TMC1: variants seen among roughly 807,000 people sequenced by gnomAD.
TMC1 encodes the protein transmembrane channel like 1, also known as transmembrane channel-like protein 1.
A neutral mutation model predicts 105.8 loss-of-function variants in TMC1; 84 were observed. The observed-to-expected ratio is 0.79, with a 90% confidence interval of 0.67 to 0.95. TMC1 has a LOEUF of 0.95. Ranked by LOEUF, TMC1 falls within the 40% of genes least tolerant of loss-of-function variation. The pLI is 0.00. For missense variants in TMC1, 817 were observed against 914.1 expected (o/e 0.89, Z 1.37); for synonymous variants, 315 against 311.5 (o/e 1.01, Z -0.12).
At chr9:72,768,759 A>G (rs1434448236) in intron 12 of TMC1, among the ~76,000 whole-genome samples, 1 of 152,180 alleles carries the variant, frequency 6.6e-6, no homozygotes, top group Non-Finnish European at 1.5e-5. Context: ...TATTGTGCTA[A>G]CCTAACAAGC....
At chr9:72,769,035 TA>T (rs1827883508) in intron 12 of TMC1, among the ~76,000 whole-genome samples, 1 of 152,188 alleles carries the variant, frequency 6.6e-6, no homozygotes. Context: ...GGTATGGCAC[TA>T]GCATGATATA....
chr9:72,817,144 C>T (rs886328078), intron 19 of TMC1: 1 of 152,108 alleles, frequency 6.6e-6, no homozygotes, highest in African/African-American at 2.4e-5. Context: ...TCTGCAAATG[C>T]TAAAACCGTC....
chr9:72,626,510 G>A (rs1254503499), intron 3 of TMC1, among the ~76,000 whole-genome samples: 3 of 152,204 alleles, frequency 2.0e-5, no homozygotes. Flanking sequence ...CAACACTGAA[G>A]AGAGCAGGAA....
intron 2 of TMC1, among the ~76,000 whole-genome samples, chr9:72,593,949 G>A (rs1449274795): frequency 6.6e-6 from 1 of 152,146 alleles, no homozygotes; most frequent in Non-Finnish European, 1.5e-5. Context: ...CTAATATGGC[G>A]ATGGTAGGGG....
At position 72,831,224 on chromosome 9, in the gene TMC1, C is replaced by T. The variant is rs530582381; in HGVS notation, c.2260+542C>T. ...TTAATAATATGCTTTGAGTTCCCCACGGAAAGGTGATACCTAAGACCTTTA... is the reference window on the plus strand; with the variant it reads ...TTAATAATATGCTTTGAGTTCCCCATGGAAAGGTGATACCTAAGACCTTTA... On this transcript the variant is annotated intron_variant, in intron 23 of 23. Coordinates refer to ENST00000297784, the MANE Select transcript of TMC1 (RefSeq NM_138691.3). Among the ~76,000 whole-genome samples, 42 of 152,246 alleles carry T rather than the reference C, an allele frequency of 2.8e-4. 1 individual carries two copies. Among genetic ancestry groups the T allele is most frequent in the African/African-American group, 2.9e-4 (12 of 41,552 alleles).
chr9:72,532,092 C>T (rs111280676), intron 1 of TMC1, among the ~76,000 whole-genome samples: 8,873 of 151,952 alleles, frequency 0.058, 306 homozygotes, highest in Middle Eastern at 0.072. Context: ...CCAGCATGCC[C>T]GGCTAATTTT....
At chr9:72,764,575 G>C (rs937888015) in intron 12 of TMC1, among the ~76,000 whole-genome samples, 1 of 152,038 alleles carries the variant, frequency 6.6e-6, no homozygotes, top group African/African-American at 2.4e-5. Flanking sequence ...TTGGTGTTTT[G>C]ATTCATTAAA....
At chr9:72,641,723 A>C (rs1193194417) in intron 4 of TMC1, among the ~76,000 whole-genome samples, 1 of 151,978 alleles carries the variant, frequency 6.6e-6, no homozygotes, top group Non-Finnish European at 1.5e-5. Context: ...TTTCCAGACA[A>C]CAATTATGGA....
chr9:72,815,727 A>G (rs1374195927), intron 18 of TMC1, among the ~76,000 whole-genome samples: 1 of 152,200 alleles, frequency 6.6e-6, no homozygotes, highest in Non-Finnish European at 1.5e-5. Context: ...AGATGGTTTC[A>G]TCATTGCTTG....
At chr9:72,806,522 G>C (rs1828593049) in intron 18 of TMC1, among the ~76,000 whole-genome samples, 1 of 150,106 alleles carries the variant, frequency 6.7e-6, no homozygotes, top group Non-Finnish European at 1.5e-5. Context: ...CTGCCGGGCG[G>C]AGGGGCTCCT....
intron 13 of TMC1, among the ~76,000 whole-genome samples, chr9:72,776,068 C>T (rs1460833513): frequency 3.9e-5 from 6 of 152,056 alleles, no homozygotes; most frequent in South Asian, 2.1e-4. Flanking sequence ...AGACAAACAG[C>T]GAAAACTCAG....
At chr9:72,556,580 A>G (rs1203659809) in intron 1 of TMC1, among the ~76,000 whole-genome samples, 1 of 151,566 alleles carries the variant, frequency 6.6e-6, no homozygotes, top group Non-Finnish European at 1.5e-5. Flanking sequence ...GCACTTTGGG[A>G]GGCCGAGACG....
chr9:72,805,310 C>A, intron 17 of TMC1, 72 bp from the exon 18 acceptor site: 2 of 1,549,666 alleles, frequency 1.3e-6, no homozygotes, highest in African/African-American at 1.4e-5. Context: ...AGAAATATGA[C>A]AGATTTAATA....
intron 19 of TMC1, 33 bp downstream of exon 19, chr9:72,816,243 A>T (rs771554763): frequency 6.3e-7 from 1 of 1,598,266 alleles, no homozygotes; most frequent in Non-Finnish European, 8.6e-7. Context: ...TATCACTTAC[A>T]GAAAAGCCTC....
intron 18 of TMC1, among the ~76,000 whole-genome samples, chr9:72,812,363 C>A (rs1333046659): frequency 3.3e-5 from 5 of 152,196 alleles, no homozygotes; most frequent in Non-Finnish European, 7.3e-5. Context: ...GGGTTGAGAA[C>A]ATGGGAACAG....
At chr9:72,589,471 A>G (rs185021091) in intron 2 of TMC1, among the ~76,000 whole-genome samples, 1 of 152,364 alleles carries the variant, frequency 6.6e-6, no homozygotes, top group East Asian at 1.9e-4. Context: ...ATATTTTTGT[A>G]ATGATAGCTT....
intron 13 of TMC1, among the ~76,000 whole-genome samples, chr9:72,774,356 A>G (rs904054281): frequency 6.6e-6 from 1 of 152,294 alleles, no homozygotes; most frequent in African/African-American, 2.4e-5. Context: ...TATCAAAAGT[A>G]TTATCATTTT....
At chr9:72,709,707 A>G (rs1588043560) in intron 8 of TMC1, among the ~76,000 whole-genome samples, 1 of 152,116 alleles carries the variant, frequency 6.6e-6, no homozygotes, top group Non-Finnish European at 1.5e-5. Flanking sequence ...TGGCTGTAAT[A>G]TCTCCTATTT....
intron 1 of TMC1, among the ~76,000 whole-genome samples, chr9:72,574,699 A>G (rs758379291): frequency 1.3e-5 from 2 of 152,188 alleles, no homozygotes; most frequent in Non-Finnish European, 2.9e-5. Context: ...CACTTTTTAC[A>G]TGCATCCTTG....
Sources: gnomAD v4.1 joint callset for allele counts (sites outside exome capture counted in the v4.1 genomes callset) on GRCh38, gnomAD v4.1.1 for gene constraint, MANE v1.5 for transcripts, NCBI Gene and HGNC (gene_info 2026-07-23, HGNC 2026-07-21) for gene names.